TACC2: variants seen among roughly 807,000 people sequenced by gnomAD.
TACC2 encodes the protein transforming acidic coiled-coil containing protein 2.
TACC2 carries 137 observed loss-of-function variants against 227.3 expected under a neutral mutation model. The ratio of observed to expected loss-of-function variants is 0.60; its 90% confidence interval spans 0.52 to 0.69. The LOEUF (loss-of-function observed/expected upper bound fraction) is 0.69. TACC2 is among the 30% of genes least tolerant of loss of function. The probability of loss-of-function intolerance (pLI) is 0.00; values close to 1 mark genes in which losing one functional copy is unlikely to be tolerated. For synonymous variants in TACC2, 1,523 were observed against 1,487.5 expected (o/e 1.02, Z -0.55); for missense variants, 3,470 against 3,694.4 (o/e 0.94, Z 1.57).
At chr10:122,166,343 G>GTTTGGGGTGCCTTTGGGCAGC (rs2093162021) in intron 7 of TACC2, among the ~76,000 whole-genome samples, 1 of 152,084 alleles carries the variant, frequency 6.6e-6, no homozygotes, top group South Asian at 2.1e-4. Flanking sequence ...CCAATTGCAG[G>GTTTGGGGTGCCTTTGGGCAGC]TTTGGGGTGC....
chr10:122,101,612 T>TGCA (rs966318169), intron 5 of TACC2, among the ~76,000 whole-genome samples: 1 of 130,190 alleles, frequency 7.7e-6, no homozygotes, highest in African/African-American at 2.9e-5. Flanking sequence ...CAGGCTGGAG[T>TGCA]GCAGTGGTGT....
At chr10:122,142,860 G>A (rs1216952696) in intron 6 of TACC2, among the ~76,000 whole-genome samples, 1 of 152,230 alleles carries the variant, frequency 6.6e-6, no homozygotes, top group Non-Finnish European at 1.5e-5. Context: ...GGAGGCCGTT[G>A]CTAGCCTTGC....
At chr10:122,099,949 T>C (rs1479082287) in intron 5 of TACC2, among the ~76,000 whole-genome samples, 2 of 152,202 alleles carry the variant, frequency 1.3e-5, no homozygotes, top group Non-Finnish European at 2.9e-5. Flanking sequence ...TTGCCTCTCC[T>C]GGGGTGACAC....
intron 2 of TACC2, among the ~76,000 whole-genome samples, chr10:122,042,696 A>G (rs1364094060): frequency 2.0e-5 from 3 of 152,168 alleles, no homozygotes; most frequent in Admixed American, 2.0e-4. Flanking sequence ...CCTTCAGAAC[A>G]ACCCTGCAGT....
chr10:122,103,170 TATG>T (rs2082362622), intron 5 of TACC2, among the ~76,000 whole-genome samples: 1 of 141,838 alleles, frequency 7.1e-6, no homozygotes, highest in Non-Finnish European at 1.6e-5. Context: ...GCTGAATTCC[TATG>T]ATATGGCTGG....
At chr10:122,045,571 G>A (rs1248227051) in intron 2 of TACC2, among the ~76,000 whole-genome samples, 1 of 152,250 alleles carries the variant, frequency 6.6e-6, no homozygotes, top group Non-Finnish European at 1.5e-5. Context: ...GGTTGCTGCT[G>A]TCGTAGCAGA....
intron 7 of TACC2, among the ~76,000 whole-genome samples, chr10:122,154,593 G>C (rs2092338171): frequency 6.6e-6 from 1 of 152,186 alleles, no homozygotes; most frequent in Non-Finnish European, 1.5e-5. Context: ...GTTGTCACGG[G>C]AAGATTTTCT....
rs1330467498 is a variant in TACC2, at chr10:122,156,452, C to T, written c.5834+12746C>T. On this transcript the variant is annotated intron_variant, in intron 7 of 22. Coordinates refer to ENST00000369005, the MANE Select transcript of TACC2 (RefSeq NM_206862.4). ...TGTTAGCCAGGATGGTCTCGATCTC[C>T]TGACCTTGTGATCCGCCCATCTTGG... Among the ~76,000 whole-genome samples, 9 of 152,138 alleles carry T rather than the reference C, an allele frequency of 5.9e-5. No homozygotes were observed. The East Asian group carries it at 1.2e-3, about 20-fold the overall frequency.
At chr10:122,161,434 T>C (rs2092808616) in intron 7 of TACC2, among the ~76,000 whole-genome samples, 1 of 152,260 alleles carries the variant, frequency 6.6e-6, no homozygotes, top group African/African-American at 2.4e-5. Flanking sequence ...ATCCTGGTCC[T>C]GGGCATTCAT....
chr10:122,240,306 T>G (rs188418122), intron 18 of TACC2, among the ~76,000 whole-genome samples: 27 of 152,252 alleles, frequency 1.8e-4, no homozygotes, highest in Non-Finnish European at 3.4e-4. Flanking sequence ...CAAGGAGGTG[T>G]TGTTTAATGG....
At chr10:122,215,495 G>C in intron 10 of TACC2, 44 bp downstream of exon 10, 1 of 1,562,826 alleles carries the variant, frequency 6.4e-7, no homozygotes, top group Non-Finnish European at 8.8e-7. Flanking sequence ...CCCCCCCCGG[G>C]GGAGGTTTTC....
chr10:122,143,325 CCG>C (rs1288509974), intron 6 of TACC2, among the ~76,000 whole-genome samples: 1 of 151,428 alleles, frequency 6.6e-6, no homozygotes, highest in Non-Finnish European at 1.5e-5. Flanking sequence ...TTAAAGAAAC[CCG>C]GTTCTACAGA....
At chr10:121,995,758 CT>C (rs79988202) in intron 1 of TACC2, among the ~76,000 whole-genome samples, 7 of 151,340 alleles carry the variant, frequency 4.6e-5, no homozygotes, top group Non-Finnish European at 1.0e-4. Context: ...AGGATCTTTT[CT>C]TTTTTTTTGT....
At chr10:122,238,388 CT>C (rs2095903776) in intron 18 of TACC2, among the ~76,000 whole-genome samples, 1 of 152,188 alleles carries the variant, frequency 6.6e-6, no homozygotes, top group Admixed American at 6.5e-5. Context: ...TAAACAGCCT[CT>C]TTTTTCTCCA....
intron 19 of TACC2, among the ~76,000 whole-genome samples, chr10:122,245,428 G>C (rs748996055): frequency 6.6e-6 from 1 of 152,182 alleles, no homozygotes; most frequent in African/African-American, 2.4e-5. Flanking sequence ...CAGGAAATCA[G>C]ATGGACTTGG....
intron 16 of TACC2, among the ~76,000 whole-genome samples, chr10:122,234,643 C>G (rs149520116): frequency 5.8e-4 from 89 of 152,276 alleles, no homozygotes; most frequent in African/African-American, 2.1e-3. Context: ...TTGAAAACTC[C>G]AGGTGGCCGG....
chr10:121,991,954 C>T (rs1307825231), intron 1 of TACC2, among the ~76,000 whole-genome samples: 1 of 152,150 alleles, frequency 6.6e-6, no homozygotes, highest in South Asian at 2.1e-4. Context: ...TGCAGGGAAA[C>T]TCCCCTTATA....
chr10:122,170,977 C>T (rs1422907484), intron 7 of TACC2, among the ~76,000 whole-genome samples: 1 of 151,318 alleles, frequency 6.6e-6, no homozygotes, highest in Non-Finnish European at 1.5e-5. Context: ...GAGTCTGCTG[C>T]AAGCACTGCA....
chr10:122,223,204 C>T (rs1161663171), intron 11 of TACC2, among the ~76,000 whole-genome samples: 1 of 151,862 alleles, frequency 6.6e-6, no homozygotes, highest in Non-Finnish European at 1.5e-5. Context: ...CAGGTATGTG[C>T]CCGGCTAATT....
Sources: allele counts gnomAD v4.1 joint callset (sites outside exome capture counted in the v4.1 genomes callset), GRCh38; gene constraint gnomAD v4.1.1; transcripts MANE v1.5; gene names NCBI Gene and HGNC (gene_info 2026-07-23, HGNC 2026-07-21).